PAN3: variants seen among roughly 807,000 people sequenced by gnomAD.
PAN3 encodes poly(A) specific ribonuclease subunit PAN3, also known as PAN2-PAN3 deadenylation complex subunit PAN3.
In PAN3, 19 loss-of-function variants were observed where a neutral mutation model predicts 96.2. That is an observed-to-expected ratio of 0.20 (90% confidence interval 0.14 to 0.29). PAN3 has a LOEUF of 0.29. PAN3 is among the 10% of genes least tolerant of loss of function. The pLI is 1.00. For synonymous variants in PAN3, 433 were observed against 406.6 expected (o/e 1.06, Z -0.78); for missense variants, 882 against 1,108.1 (o/e 0.80, Z 2.90).
intron 9 of PAN3, among the ~76,000 whole-genome samples, chr13:28,263,750 C>T (rs992440396): frequency 1.3e-5 from 2 of 152,120 alleles, no homozygotes; most frequent in African/African-American, 4.8e-5. Flanking sequence ...CTCTAAAACT[C>T]TTTCTGTAAA....
chr13:28,257,997 G>A (rs371684030), intron 7 of PAN3, among the ~76,000 whole-genome samples: 15 of 151,570 alleles, frequency 9.9e-5, no homozygotes, highest in African/African-American at 3.6e-4. Flanking sequence ...CTTTAATAGA[G>A]ATGAGGTTTC....
intron 6 of PAN3, among the ~76,000 whole-genome samples, chr13:28,227,915 T>G (rs1882171010): frequency 6.6e-6 from 1 of 152,194 alleles, no homozygotes; most frequent in Non-Finnish European, 1.5e-5. Context: ...GAGTATTGTA[T>G]TTGTTCTGGA....
intron 1 of PAN3, among the ~76,000 whole-genome samples, chr13:28,148,101 A>G (rs956113768): frequency 2.0e-5 from 3 of 152,102 alleles, no homozygotes; most frequent in Non-Finnish European, 4.4e-5. Flanking sequence ...GACTACAGGC[A>G]TAAGCCACCA....
At chr13:28,225,833 T>G (rs560037695) in intron 6 of PAN3, among the ~76,000 whole-genome samples, 6 of 152,354 alleles carry the variant, frequency 3.9e-5, no homozygotes, top group African/African-American at 1.4e-4. Flanking sequence ...ATAACTGATT[T>G]ATTTGTAAGA....
intron 1 of PAN3, among the ~76,000 whole-genome samples, chr13:28,144,914 T>C (rs1280318828): frequency 1.3e-5 from 2 of 151,100 alleles, no homozygotes; most frequent in Admixed American, 1.3e-4. Flanking sequence ...GAGATGGGGT[T>C]TCACCATCTT....
At chr13:28,220,152 CTG>C in intron 5 of PAN3, 77 bp from the exon 6 acceptor site, 1 of 1,347,780 alleles carries the variant, frequency 7.4e-7, no homozygotes, top group Non-Finnish European at 1.0e-6. Flanking sequence ...AAATAAAGCA[CTG>C]TGGAATATGC....
chr13:28,171,056 A>G lies in PAN3; in HGVS notation c.431-3216A>G, dbSNP rs547552743. ...GGCGATCCGCCCGCCTTGGCCTCCC[A>G]AAGTGCTGGGATTACAGGTGTGAGC... is the stretch of plus-strand genomic sequence containing the variant. On this transcript the variant is annotated intron_variant, in intron 1 of 18. Transcript: ENST00000380958. Among the ~76,000 whole-genome samples, 4 of 152,252 alleles carry G rather than the reference A, an allele frequency of 2.6e-5. No individual in the cohort carries two copies. In the South Asian group the frequency reaches 6.2e-4, roughly 24 times the overall value.
intron 18 of PAN3, among the ~76,000 whole-genome samples, chr13:28,289,739 G>A (rs115398040): frequency 0.011 from 1,668 of 152,060 alleles, 34 homozygotes; most frequent in African/African-American, 0.038. Flanking sequence ...AAAGTTAGCC[G>A]GGCATGGTGA....
intron 4 of PAN3, among the ~76,000 whole-genome samples, chr13:28,195,918 G>A (rs912896318): frequency 2.0e-5 from 3 of 151,978 alleles, no homozygotes; most frequent in Non-Finnish European, 2.9e-5. Context: ...ATTTACATAG[G>A]CATTATTTGC....
chr13:28,260,391 C>A, intron 7 of PAN3, 56 bp from the exon 8 acceptor site: 1 of 1,371,184 alleles, frequency 7.3e-7, no homozygotes, highest in African/African-American at 1.4e-5. Context: ...AAGACTCCAT[C>A]TGAAAAAAAG....
At chr13:28,161,921 G>A (rs73156288) in intron 1 of PAN3, among the ~76,000 whole-genome samples, 1,908 of 152,212 alleles carry the variant, frequency 0.013, 21 homozygotes, top group Non-Finnish European at 0.02. Flanking sequence ...TAACAGATGT[G>A]TAAAATATTC....
At position 28,262,642 on chromosome 13, in the gene PAN3, G is replaced by C. The variant is rs1885835842; in HGVS notation, c.1411+1184G>C. 3.3e-5 allele frequency among the ~76,000 whole-genome samples: 5 copies of C among 152,232 alleles called. No individual in the cohort carries two copies. The South Asian group carries it at 8.3e-4, about 25-fold the overall frequency. On this transcript the variant is annotated intron_variant, in intron 9 of 18. Coordinates refer to ENST00000380958, the MANE Select transcript of PAN3 (RefSeq NM_175854.8). ...AAGAAAAAAAAATGGAAGGCACAAA[G>C]ACCGGAAAGGAGAAAATAAACCTAC...
chr13:28,281,469 AAG>A (rs3831053), intron 17 of PAN3, 90 bp downstream of exon 17: 38,124 of 1,204,666 alleles, frequency 0.032, 1,069 homozygotes, highest in East Asian at 0.12. Flanking sequence ...TATTTGGAAA[AAG>A]AGAAAAATTC....
chr13:28,198,806 T>G (rs1305184986), intron 5 of PAN3, among the ~76,000 whole-genome samples: 1 of 152,234 alleles, frequency 6.6e-6, no homozygotes, highest in Admixed American at 6.5e-5. Context: ...AAATTGGTTT[T>G]ATTTCTGTTT....
At chr13:28,145,864 A>G (rs560513951) in intron 1 of PAN3, among the ~76,000 whole-genome samples, 94 of 148,354 alleles carry the variant, frequency 6.3e-4, no homozygotes, top group African/African-American at 2.3e-3. Flanking sequence ...GGTTCAAGTG[A>G]TTCTCAATTC....
At chr13:28,245,727 T>C (rs1043768363) in intron 6 of PAN3, among the ~76,000 whole-genome samples, 3 of 152,198 alleles carry the variant, frequency 2.0e-5, no homozygotes, top group African/African-American at 7.2e-5. Flanking sequence ...TCTGACTTTT[T>C]ATAGATTTGC....
chr13:28,205,860 T>C (rs1252868164), intron 5 of PAN3, among the ~76,000 whole-genome samples: 2 of 148,982 alleles, frequency 1.3e-5, no homozygotes, highest in East Asian at 2.0e-4. Flanking sequence ...AAACTGTTTC[T>C]TAAAAAAAAA....
chr13:28,286,542 G>C (rs1184963656), intron 17 of PAN3, among the ~76,000 whole-genome samples: 1 of 152,162 alleles, frequency 6.6e-6, no homozygotes, highest in Non-Finnish European at 1.5e-5. Flanking sequence ...TGGGTTGCTT[G>C]ATTCCTGTGG....
chr13:28,174,420 A>G (rs1206899752), intron 2 of PAN3, 27 bp downstream of exon 2: 2 of 1,607,152 alleles, frequency 1.2e-6, no homozygotes, highest in Non-Finnish European at 1.7e-6. Flanking sequence ...TTCATATTGC[A>G]CTATGAAGTT....
Sources: gnomAD v4.1 joint callset for allele counts (sites outside exome capture counted in the v4.1 genomes callset) on GRCh38, gnomAD v4.1.1 for gene constraint, MANE v1.5 for transcripts, NCBI Gene and HGNC (gene_info 2026-07-23, HGNC 2026-07-21) for gene names.